The following SPOP variants were observed in gnomAD, a reference collection of about 807,000 sequenced individuals.
The protein encoded by SPOP is speckle-type POZ protein.
SPOP carries 11 observed loss-of-function variants against 45.6 expected under a neutral mutation model. The ratio of observed to expected loss-of-function variants is 0.24; its 90% CI spans 0.15 to 0.40. The LOEUF (loss-of-function observed/expected upper bound fraction) is 0.40. Among genes scored for constraint, SPOP ranks in the 10% least tolerant of loss-of-function variants. The pLI is 1.00. For missense variants in SPOP, 152 were observed against 465.6 expected, an observed-to-expected ratio of 0.33 and a Z score of 6.20; for synonymous variants, 166 against 166.3, an observed-to-expected ratio of 1.00 and a Z score of 0.01.
At chr17:49,664,398 T>G (rs1232931454) in intron 1 of SPOP, among the ~76,000 whole-genome samples, 1 of 152,174 alleles carries the variant, frequency 6.6e-6, no homozygotes, top group Non-Finnish European at 1.5e-5. Flanking sequence ...AAAATGCAAC[T>G]CTTCTCATGA....
At chr17:49,637,984 T>C (rs1413323524) in intron 1 of SPOP, among the ~76,000 whole-genome samples, 1 of 152,156 alleles carries the variant, frequency 6.6e-6, no homozygotes, top group Non-Finnish European at 1.5e-5. Context: ...GCTGGCACTA[T>C]GCAGGCACAC....
chr17:49,628,735 G>A (rs187656744), intron 1 of SPOP, among the ~76,000 whole-genome samples: 3 of 152,276 alleles, frequency 2.0e-5, no homozygotes, highest in East Asian at 1.9e-4. Context: ...AAGCATTTCC[G>A]ATAAGTGGAT....
chr17:49,602,746 G>C (rs1428365384), intron 8 of SPOP, among the ~76,000 whole-genome samples: 7 of 152,212 alleles, frequency 4.6e-5, no homozygotes, highest in Non-Finnish European at 8.8e-5. Flanking sequence ...AAGTGGCAGA[G>C]AGCCTAAATG....
chr17:49,631,378 C>A (rs2032067231), intron 1 of SPOP, among the ~76,000 whole-genome samples: 1 of 152,136 alleles, frequency 6.6e-6, no homozygotes, highest in Non-Finnish European at 1.5e-5. Flanking sequence ...TCTAGGGATG[C>A]TGGTTACTCC....
intron 5 of SPOP, chr17:49,618,676 C>CT: frequency 2.2e-6 from 1 of 453,924 alleles, no homozygotes; most frequent in South Asian, 1.8e-5. Flanking sequence ...TGTGACAGTC[C>CT]TTTCAAATGC....
chr17:49,639,820 C>T (rs1040548418), intron 1 of SPOP, among the ~76,000 whole-genome samples: 1 of 152,054 alleles, frequency 6.6e-6, no homozygotes, highest in Non-Finnish European at 1.5e-5. Context: ...AGAAGGGAGA[C>T]GCAGCAGGCT....
At chr17:49,638,528 T>C (rs1400745999) in intron 1 of SPOP, among the ~76,000 whole-genome samples, 2 of 151,212 alleles carry the variant, frequency 1.3e-5, no homozygotes, top group Admixed American at 1.3e-4. Flanking sequence ...GTGGTTGCCG[T>C]GAACAGAGAT....
In SPOP at chr17:49,607,128, C is replaced by T. The variant is rs2071867327; in HGVS notation, c.837+122G>A. 5 of 1,224,342 alleles carry T rather than the reference C, an allele frequency of 4.1e-6. No homozygotes were observed. In the Admixed American group the frequency reaches 1.0e-4, roughly 25 times the overall value. The allele number at this position is 1,224,342 out of a possible 1,614,324, so 75.8% of individuals were successfully genotyped here. On this transcript the variant is annotated intron_variant, in intron 8 of 9. Transcript: ENST00000504102. The stretch of plus-strand genomic sequence containing the variant: ...TTGGAATAATATGTGTAAACCAGGA[C>T]CGTCTTGGCCAAACCAAGATATATG...
intron 1 of SPOP, among the ~76,000 whole-genome samples, chr17:49,652,110 A>T (rs2072850948): frequency 6.6e-6 from 1 of 152,164 alleles, no homozygotes; most frequent in Non-Finnish European, 1.5e-5. Context: ...CCAAAATCCA[A>T]AACTTTTTAA....
intron 1 of SPOP, among the ~76,000 whole-genome samples, chr17:49,658,115 G>A (rs1220534645): frequency 5.3e-5 from 8 of 152,088 alleles, no homozygotes; most frequent in Non-Finnish European, 8.8e-5. Context: ...ACTTTGAGAA[G>A]TTATTTTTTT....
chr17:49,634,904 C>T (rs1268473872), intron 1 of SPOP, among the ~76,000 whole-genome samples: 1 of 152,180 alleles, frequency 6.6e-6, no homozygotes, highest in African/African-American at 2.4e-5. Context: ...GGGATTTGGT[C>T]TCCTACAAGG....
rs933490114 is a variant in SPOP at position 49,607,883 on chromosome 17, C to T, written c.705G>A (p.Glu235=). The change falls in exon 7 of 10, where the codon GAG becomes GAA. Residue 235 remains glutamate (E), a synonymous_variant. Transcript: ENST00000504102. The part of the protein sequence containing the change: ...FSAMFEHEME[E]SKKNRVEIND... ...TCATCTTGTTACATACCTTTTTGCT[C>T]TCCTCCATTTCATGTTCAAACATGG... 2 of 1,611,270 alleles carry T rather than the reference C, an allele frequency of 1.2e-6. No homozygotes were observed. Among genetic ancestry groups the T allele is most frequent in the African/African-American group, 1.3e-5 (1 of 74,768 alleles).
chr17:49,637,473 C>A (rs1178439740), intron 1 of SPOP, among the ~76,000 whole-genome samples: 2 of 152,100 alleles, frequency 1.3e-5, no homozygotes, highest in African/African-American at 4.8e-5. Context: ...GCCTCAGCCT[C>A]CCAAGTAGGT....
intron 1 of SPOP, among the ~76,000 whole-genome samples, chr17:49,642,737 T>C (rs1383421051): frequency 6.6e-6 from 1 of 152,234 alleles, no homozygotes; most frequent in Non-Finnish European, 1.5e-5. Flanking sequence ...ATAGGAACAT[T>C]TCTCTGTAGC....
chr17:49,633,360 T>C (rs1245525021), intron 1 of SPOP, among the ~76,000 whole-genome samples: 1 of 152,154 alleles, frequency 6.6e-6, no homozygotes, highest in Non-Finnish European at 1.5e-5. Flanking sequence ...AACAACAGAA[T>C]GCTCCGACTA....
chr17:49,643,427 G>A (rs188966217), intron 1 of SPOP, among the ~76,000 whole-genome samples: 60 of 152,286 alleles, frequency 3.9e-4, no homozygotes, highest in African/African-American at 1.4e-3. Flanking sequence ...GAAACATATG[G>A]TCCTTGAACA....
intron 1 of SPOP, among the ~76,000 whole-genome samples, chr17:49,651,767 C>A (rs1016705808): frequency 1.3e-5 from 2 of 152,060 alleles, no homozygotes; most frequent in East Asian, 3.9e-4. Context: ...GCCTGTAATC[C>A]CAACACTTTG....
At chr17:49,621,010 T>C (rs1020113170) in intron 3 of SPOP, among the ~76,000 whole-genome samples, 1 of 152,280 alleles carries the variant, frequency 6.6e-6, no homozygotes, top group Admixed American at 6.5e-5. Context: ...AAATAACTTT[T>C]GGTGGGTTAT....
intron 1 of SPOP, among the ~76,000 whole-genome samples, chr17:49,628,753 C>G (rs1256474032): frequency 6.6e-6 from 1 of 152,172 alleles, no homozygotes; most frequent in African/African-American, 2.4e-5. Context: ...GATATTCAAC[C>G]TGTAATGCTG....
Sources: allele counts gnomAD v4.1 joint callset (sites outside exome capture counted in the v4.1 genomes callset), GRCh38; gene constraint gnomAD v4.1.1; transcripts MANE v1.5; gene names NCBI Gene and HGNC (gene_info 2026-07-23, HGNC 2026-07-21).